Variants in GAB1 observed in about 807,000 individuals in gnomAD.
GAB1 encodes GRB2-associated-binding protein 1.
GAB1 carries 19 observed loss-of-function variants against 66.5 expected under a neutral mutation model. The ratio of observed to expected loss-of-function variants is 0.29; its 90% CI spans 0.20 to 0.42. GAB1 has a LOEUF of 0.42. Among genes scored for constraint, GAB1 ranks in the 10% least tolerant of loss-of-function variants. GAB1 has a pLI of 1.00. For synonymous variants in GAB1, 294 were observed against 301.4 expected (o/e 0.98, Z 0.25); for missense variants, 732 against 858.5 (o/e 0.85, Z 1.84).
intron 1 of GAB1, among the ~76,000 whole-genome samples, chr4:143,401,222 T>G (rs768326539): frequency 1.6e-4 from 24 of 152,172 alleles, no homozygotes; most frequent in Non-Finnish European, 3.2e-4. Context: ...TTTCTGAGAC[T>G]GTCTTCAGGT....
At chr4:143,466,622 T>A (rs1447804095) in intron 9 of GAB1, among the ~76,000 whole-genome samples, 1 of 151,068 alleles carries the variant, frequency 6.6e-6, no homozygotes, top group Non-Finnish European at 1.5e-5. Flanking sequence ...CCCAAATAGC[T>A]GGGATTACAG....
chr4:143,360,547 AGG>A (rs1729622080), intron 1 of GAB1, among the ~76,000 whole-genome samples: 1 of 152,226 alleles, frequency 6.6e-6, no homozygotes, highest in Admixed American at 6.5e-5. Flanking sequence ...CAAAAATAGA[AGG>A]AAAAAAAGGT....
chr4:143,396,030 G>C (rs1300363280), intron 1 of GAB1: 2 of 455,244 alleles, frequency 4.4e-6, no homozygotes, highest in Non-Finnish European at 8.8e-6. Flanking sequence ...GAAAGGGGAG[G>C]GGGTGGGGAC....
chr4:143,381,010 G>A (rs1730635987), intron 1 of GAB1, among the ~76,000 whole-genome samples: 1 of 152,126 alleles, frequency 6.6e-6, no homozygotes, highest in Non-Finnish European at 1.5e-5. Flanking sequence ...TAAAATGACT[G>A]GTTAAAATAT....
At chr4:143,444,166 T>TA (rs1734384926) in intron 6 of GAB1, among the ~76,000 whole-genome samples, 1 of 152,208 alleles carries the variant, frequency 6.6e-6, no homozygotes, top group African/African-American at 2.4e-5. Context: ...ATTTATCTGT[T>TA]ATAGCTTCTC....
At chr4:143,448,523 A>T (rs1222059367) in intron 6 of GAB1, among the ~76,000 whole-genome samples, 1 of 151,290 alleles carries the variant, frequency 6.6e-6, no homozygotes, top group Non-Finnish European at 1.5e-5. Context: ...GTCTTGGGAG[A>T]GTGTATGTGT....
chr4:143,472,923 T>C lies in GAB1; in HGVS notation c.*3734T>C, dbSNP rs1266606153. ...GAGAAGCCATGGTATAAATGAATAT[T>C]GTGGACATCATGGACTTGATATGAT... On this transcript the variant is annotated 3_prime_UTR_variant, in exon 10 of 10. Coordinates refer to ENST00000262994, the MANE Select transcript of GAB1 (RefSeq NM_002039.4). 1 of 152,232 alleles carries C rather than the reference T, an allele frequency of 6.6e-6. No homozygotes were observed. Among genetic ancestry groups the C allele is most frequent in the Non-Finnish European group, 1.5e-5 (1 of 68,044 alleles). 9.4% of individuals were successfully genotyped at this position (152,232 alleles called of 1,614,324 possible). A position where few individuals can be genotyped will look rare whatever the true frequency, so the allele number is the denominator to read the frequency against.
Position 143,440,364 on chromosome 4 carries a change from C to A in GAB1, c.1567C>A (p.Leu523Ile). 1 of 1,611,064 alleles carries A rather than the reference C, an allele frequency of 6.2e-7. No homozygotes were observed. Residue 523 changes from leucine to isoleucine, a missense_variant, in exon 6 of 10, where the codon CTC (leucine) becomes ATC (isoleucine). This residue lies in a region of GAB1 where 204 missense variants were observed against 276.8 expected (regional missense o/e 0.74). Coordinates refer to ENST00000262994, the MANE Select transcript of GAB1 (RefSeq NM_002039.4). Reference sequence around the variant, plus strand: ...TGAACCACCCCCCGTGGATAGGAACCTCAAGCCAGACAGAAAAGGTAAGGA... The same window carrying A: ...TGAACCACCCCCCGTGGATAGGAACATCAAGCCAGACAGAAAAGGTAAGGA... ...DCEPPPVDRN[L>I]KPDRKVKPAP...
intron 1 of GAB1, among the ~76,000 whole-genome samples, chr4:143,348,867 T>C (rs997615538): frequency 3.3e-5 from 5 of 152,184 alleles, no homozygotes; most frequent in African/African-American, 1.2e-4. Context: ...GATCTCTCTC[T>C]CCGGGCCTTT....
intron 1 of GAB1, among the ~76,000 whole-genome samples, chr4:143,406,837 C>A (rs1732073174): frequency 6.6e-6 from 1 of 152,172 alleles, no homozygotes; most frequent in Middle Eastern, 3.2e-3. Context: ...TGCAAAACCA[C>A]CAGAGTTAGA....
intron 1 of GAB1, 133 bp from the exon 2 acceptor site, chr4:143,415,342 AAC>A (rs540038575): frequency 8.7e-6 from 6 of 692,104 alleles, no homozygotes; most frequent in Non-Finnish European, 1.2e-5. Context: ...CTGTGGTAAA[AAC>A]ACACACACAA....
intron 1 of GAB1, among the ~76,000 whole-genome samples, chr4:143,403,671 C>T (rs908431510): frequency 1.2e-4 from 18 of 152,306 alleles, no homozygotes; most frequent in South Asian, 4.1e-4. Flanking sequence ...GAGCCTTCCA[C>T]GTTTGCATCA....
chr4:143,396,155 T>C (rs1042229484), intron 1 of GAB1, among the ~76,000 whole-genome samples: 14 of 152,154 alleles, frequency 9.2e-5, no homozygotes, highest in African/African-American at 3.4e-4. Flanking sequence ...CTCCGCCGAA[T>C]GGCATGGGGT....
intron 1 of GAB1, among the ~76,000 whole-genome samples, chr4:143,347,353 TTC>T (rs762021054): frequency 1.4e-4 from 22 of 152,246 alleles, no homozygotes; most frequent in Non-Finnish European, 3.1e-4. Context: ...CAGTTTTACT[TTC>T]TATGATTTGC....
Position 143,472,691 on chromosome 4 carries a change from CCATTTCTGTCTTCGGGT to C in GAB1, c.*3507_*3523del, listed in dbSNP as rs1253975282. On this transcript the variant is annotated 3_prime_UTR_variant, in exon 10 of 10. Transcript: ENST00000262994. ...TAATGCTGAGGTGGGCTGATCCTTC[CCATTTCTGTCTTCGGGT>C]CATTCTGGTAGGTCTTCTCCTCCAC... is the stretch of plus-strand genomic sequence containing the variant. 6.6e-6 allele frequency: 1 copy of C among 152,040 alleles called. No homozygotes were observed. The highest frequency in any genetic ancestry group is 1.5e-5 in the Non-Finnish European group (1 of 68,032). 9.4% of individuals were successfully genotyped at this position (152,040 alleles called of 1,614,324 possible). A position where few individuals can be genotyped will look rare whatever the true frequency, so the allele number is the denominator to read the frequency against.
chr4:143,379,816 G>C (rs1190435516), intron 1 of GAB1, among the ~76,000 whole-genome samples: 2 of 151,756 alleles, frequency 1.3e-5, no homozygotes, highest in Non-Finnish European at 2.9e-5. Context: ...TTGAACTCCT[G>C]GGCTCAAGCT....
At chr4:143,417,243 AC>A in intron 2 of GAB1, among the ~76,000 whole-genome samples, 1 of 152,284 alleles carries the variant, frequency 6.6e-6, no homozygotes, top group South Asian at 2.1e-4. Context: ...ATTTTACTTG[AC>A]TGGGGCAGTA....
chr4:143,366,763 G>A (rs1286406588), intron 1 of GAB1, among the ~76,000 whole-genome samples: 1 of 151,924 alleles, frequency 6.6e-6, no homozygotes, highest in Non-Finnish European at 1.5e-5. Flanking sequence ...TGGCTCTATC[G>A]TCCAGGCTAG....
At chr4:143,408,510 T>C (rs1027440635) in intron 1 of GAB1, among the ~76,000 whole-genome samples, 18 of 152,184 alleles carry the variant, frequency 1.2e-4, no homozygotes, top group African/African-American at 4.1e-4. Flanking sequence ...AATGGAAGTA[T>C]ATACCATGTG....
Sources: gnomAD v4.1 joint callset for allele counts (sites outside exome capture counted in the v4.1 genomes callset) on GRCh38, gnomAD v4.1.1 for gene constraint, gnomAD v4.1.1 regional missense constraint, MANE v1.5 for transcripts, NCBI Gene and HGNC (gene_info 2026-07-23, HGNC 2026-07-21) for gene names.